Variants in CTDSPL2 observed in about 807,000 individuals in gnomAD.
CTDSPL2 encodes CTD small phosphatase-like protein 2.
Under a neutral mutation model 60.0 loss-of-function variants are expected in CTDSPL2, and 5 were observed. The ratio of observed to expected loss-of-function variants is 0.08; its 90% confidence interval spans 0.04 to 0.18. CTDSPL2 has a LOEUF of 0.18. Ranked by LOEUF, CTDSPL2 falls within the 10% of genes least tolerant of loss-of-function variation. CTDSPL2 has a pLI of 1.00. For synonymous variants in CTDSPL2, 186 were observed against 189.3 expected, an observed-to-expected ratio of 0.98 and a Z score of 0.14; for missense variants, 370 against 548.8, an observed-to-expected ratio of 0.67 and a Z score of 3.26.
chr15:44,468,973 CA>C (rs1567077304), intron 2 of CTDSPL2, among the ~76,000 whole-genome samples: 1 of 152,158 alleles, frequency 6.6e-6, no homozygotes, highest in African/African-American at 2.4e-5. Context: ...TCTTGTTTAT[CA>C]TATCAGCTGT....
At chr15:44,459,859 A>G (rs2080527935) in intron 2 of CTDSPL2, among the ~76,000 whole-genome samples, 1 of 152,166 alleles carries the variant, frequency 6.6e-6, no homozygotes, top group African/African-American at 2.4e-5. Context: ...AAGTTCTAAC[A>G]TTTGTATGAT....
chr15:44,473,332 A>G (rs142793787), intron 2 of CTDSPL2, among the ~76,000 whole-genome samples: 1,571 of 151,840 alleles, frequency 0.01, 26 homozygotes, highest in African/African-American at 0.036. Context: ...ATCTCGCTCT[A>G]TCGCCCAGGC....
chr15:44,439,180 G>A (rs957977842), intron 1 of CTDSPL2, among the ~76,000 whole-genome samples: 2 of 150,824 alleles, frequency 1.3e-5, no homozygotes, highest in African/African-American at 4.9e-5. Context: ...ATAGAGTCTC[G>A]CTCTGTCGCC....
At position 44,524,352 on chromosome 15, in the gene CTDSPL2, C is replaced by A; in HGVS notation, c.*178C>A. The A allele has an allele frequency of 1.7e-6, 1 of 597,154 alleles. No individual in the cohort carries two copies. The highest frequency in any genetic ancestry group is 3.0e-6 in the Non-Finnish European group (1 of 336,418). The allele number at this position is 597,154 out of a possible 1,614,324, so 37.0% of individuals were successfully genotyped here. A position where few individuals can be genotyped will look rare whatever the true frequency, so the allele number is the denominator to read the frequency against. On this transcript the variant is annotated 3_prime_UTR_variant, in exon 13 of 13. Transcript: ENST00000260327. ...GAAAGAGACTTTATCTATCTCAGAT[C>A]GAATACATATAGTAGGTAGGCTAAA...
intron 8 of CTDSPL2, among the ~76,000 whole-genome samples, chr15:44,501,444 A>AT (rs1555438468): frequency 6.6e-6 from 1 of 151,912 alleles, no homozygotes; most frequent in Non-Finnish European, 1.5e-5. Flanking sequence ...ATAAAATTGA[A>AT]TTTTTTTCTT....
chr15:44,506,775 C>CT (rs1004451566), intron 8 of CTDSPL2, among the ~76,000 whole-genome samples: 162 of 149,890 alleles, frequency 1.1e-3, no homozygotes, highest in African/African-American at 3.4e-3. Context: ...TTTGCAGGAA[C>CT]TTTTTTTTTG....
intron 3 of CTDSPL2, among the ~76,000 whole-genome samples, chr15:44,485,298 A>G (rs2081099071): frequency 6.6e-6 from 1 of 152,236 alleles, no homozygotes; most frequent in South Asian, 2.1e-4. Flanking sequence ...CTCAAAGTCA[A>G]AAAGAAGGAG....
intron 1 of CTDSPL2, among the ~76,000 whole-genome samples, chr15:44,430,799 G>C (rs1010598199): frequency 4.6e-5 from 7 of 151,808 alleles, no homozygotes; most frequent in African/African-American, 1.7e-4. Context: ...AAGTAAATTG[G>C]CTACAGGGGG....
At chr15:44,461,627 A>G (rs1480321584) in intron 2 of CTDSPL2, among the ~76,000 whole-genome samples, 2 of 138,296 alleles carry the variant, frequency 1.4e-5, no homozygotes, top group Non-Finnish European at 3.0e-5. Context: ...TATATCGCCC[A>G]GGCTGGTCTT....
In CTDSPL2 at chr15:44,451,640, T is replaced by C. The variant is rs1290318993; in HGVS notation, c.-24-7351T>C. 4.6e-5 allele frequency among the ~76,000 whole-genome samples: 7 copies of C among 152,292 alleles called. No individual in the cohort carries two copies. The South Asian group carries it at 1.2e-3, about 27-fold the overall frequency. On this transcript the variant is annotated intron_variant, in intron 1 of 12. Transcript: ENST00000260327. ...ACTTTACTGTTTCTATCATGTCTTA[T>C]AATTTTTTGTTGAAAACTGGCCATT...
chr15:44,441,245 G>T (rs2080078986), intron 1 of CTDSPL2, among the ~76,000 whole-genome samples: 1 of 151,800 alleles, frequency 6.6e-6, no homozygotes, highest in South Asian at 2.1e-4. Context: ...TCACTCCCCC[G>T]CATTCACTTG....
chr15:44,435,997 T>C lies in CTDSPL2; in HGVS notation c.-25+8225T>C, dbSNP rs531573606. On this transcript the variant is annotated intron_variant, in intron 1 of 12. Transcript: ENST00000260327. ...CTTAGGTGACGGAGAAATCTGTTTT[T>C]TCCCCAAGTCCTCCTCCTCCTTTTA... 3.3e-4 allele frequency among the ~76,000 whole-genome samples: 50 copies of C among 152,268 alleles called. No individual in the cohort carries two copies. The South Asian group carries it at 9.5e-3, about 29-fold the overall frequency.
At chr15:44,471,091 A>G (rs1432664848) in intron 2 of CTDSPL2, among the ~76,000 whole-genome samples, 1 of 152,168 alleles carries the variant, frequency 6.6e-6, no homozygotes, top group Non-Finnish European at 1.5e-5. Flanking sequence ...AGAGTTTCAT[A>G]GGATTATAAT....
chr15:44,465,069 A>T (rs1595724673), intron 2 of CTDSPL2, among the ~76,000 whole-genome samples: 1 of 152,164 alleles, frequency 6.6e-6, no homozygotes, highest in Non-Finnish European at 1.5e-5. Flanking sequence ...GTTCTGAAGT[A>T]TTCAGGTTAG....
At chr15:44,519,133 T>G in intron 10 of CTDSPL2, 36 bp from the exon 11 acceptor site, 1 of 1,389,040 alleles carries the variant, frequency 7.2e-7, no homozygotes. Context: ...TTTAGAAAGT[T>G]TTTTTTTTTT....
chr15:44,484,487 C>CAAAATGTGAGG, intron 3 of CTDSPL2, 125 bp downstream of exon 3: 2 of 925,024 alleles, frequency 2.2e-6, no homozygotes, highest in Non-Finnish European at 3.2e-6. Context: ...GTAATCCTCA[C>CAAAATGTGAGG]ATTTTGGGAG....
intron 2 of CTDSPL2, among the ~76,000 whole-genome samples, chr15:44,470,880 G>T (rs2080794779): frequency 6.6e-6 from 1 of 151,890 alleles, no homozygotes; most frequent in South Asian, 2.1e-4. Context: ...TCATTTGAGT[G>T]AACTAGCTAT....
At chr15:44,441,307 T>C (rs566910567) in intron 1 of CTDSPL2, among the ~76,000 whole-genome samples, 59 of 152,300 alleles carry the variant, frequency 3.9e-4, no homozygotes, top group African/African-American at 1.4e-3. Context: ...CTTCCAGTTT[T>C]TGTTCCCTAG....
intron 1 of CTDSPL2, among the ~76,000 whole-genome samples, chr15:44,435,831 T>C (rs993188001): frequency 1.3e-5 from 2 of 152,018 alleles, no homozygotes; most frequent in African/African-American, 4.8e-5. Flanking sequence ...GGTCTCGAAC[T>C]CCAGACCTCA....
Sources: gnomAD v4.1 joint callset for allele counts (sites outside exome capture counted in the v4.1 genomes callset) on GRCh38, gnomAD v4.1.1 for gene constraint, MANE v1.5 for transcripts, NCBI Gene and HGNC (gene_info 2026-07-23, HGNC 2026-07-21) for gene names.